BLTP1: variants seen among roughly 807,000 people sequenced by gnomAD.
BLTP1 encodes the protein fragile site-associated protein.
chr4:122,361,941 T>TA, the BLTP1 span: 1 of 1,458,798 alleles, frequency 6.9e-7, no homozygotes, highest in East Asian at 2.4e-5. Context: ...TTGAGTATAT[T>TA]ATAGAGGCTT....
chr4:122,224,417 C>T, the BLTP1 span: 5 of 1,407,472 alleles, frequency 3.6e-6, no homozygotes, highest in Admixed American at 4.6e-5. Context: ...TTCATCTCTG[C>T]AGGGGGTGTG....
chr4:122,234,887 C>G, the BLTP1 span: 1 of 1,613,686 alleles, frequency 6.2e-7, no homozygotes, highest in East Asian at 2.2e-5. Context: ...TAGATTTCTT[C>G]AAACTTGAAG....
At chr4:122,352,266 G>A in the BLTP1 span, among the ~76,000 whole-genome samples, 1 of 150,924 alleles carries the variant, frequency 6.6e-6, no homozygotes, top group Non-Finnish European at 1.5e-5. Flanking sequence ...AGTTTACAAA[G>A]TTATAATGAG....
the BLTP1 span, chr4:122,258,778 G>A: frequency 6.2e-7 from 1 of 1,613,942 alleles, no homozygotes; most frequent in African/African-American, 1.3e-5. Flanking sequence ...ACCTGTAACT[G>A]GAGCTGAGAT....
the BLTP1 span, among the ~76,000 whole-genome samples, chr4:122,324,869 A>ACAC: frequency 6.6e-6 from 1 of 150,770 alleles, no homozygotes; most frequent in South Asian, 2.1e-4. Context: ...TAAAAGGTGC[A>ACAC]TACTAGTAGC....
chr4:122,306,062 C>G, the BLTP1 span: 1 of 1,582,170 alleles, frequency 6.3e-7, no homozygotes, highest in Non-Finnish European at 8.5e-7. Flanking sequence ...TAAAGTCAAT[C>G]ACTACTATCC....
the BLTP1 span, among the ~76,000 whole-genome samples, chr4:122,176,892 T>G: frequency 1.2e-3 from 189 of 152,356 alleles, 1 homozygote; most frequent in African/African-American, 4.5e-3. Context: ...TTACTTGCTG[T>G]AGTTTAAATC....
At chr4:122,336,165 A>T in the BLTP1 span, 1 of 1,541,870 alleles carries the variant, frequency 6.5e-7, no homozygotes, top group Non-Finnish European at 8.7e-7. Context: ...TATAAAATCC[A>T]TTAAATGGAA....
At chr4:122,305,176 GTT>G in the BLTP1 span, 2 of 981,334 alleles carry the variant, frequency 2.0e-6, no homozygotes, top group Non-Finnish European at 2.4e-6. Flanking sequence ...TATTGTTATA[GTT>G]TAGTGCAGAT....
the BLTP1 span, chr4:122,344,253 A>T: frequency 9.1e-7 from 1 of 1,093,472 alleles, no homozygotes; most frequent in Non-Finnish European, 1.2e-6. Context: ...CTCTGCTTAA[A>T]TTTTTACCTC....
At chr4:122,296,193 CA>C in the BLTP1 span, among the ~76,000 whole-genome samples, 4 of 152,292 alleles carry the variant, frequency 2.6e-5, no homozygotes, top group Admixed American at 1.3e-4. Context: ...CATCTCAGCC[CA>C]AAAGCTTCTT....
chr4:122,262,918 A>G, the BLTP1 span: 1 of 1,614,064 alleles, frequency 6.2e-7, no homozygotes. Context: ...AGCCTGCACA[A>G]CCTCCTGGAA....
chr4:122,328,896 C>T, the BLTP1 span: 1 of 260,420 alleles, frequency 3.8e-6, no homozygotes, highest in Non-Finnish European at 6.0e-6. Context: ...ATTTAAACCG[C>T]CCTCAAGTGA....
chr4:122,306,139 G>T, the BLTP1 span: 9 of 1,258,346 alleles, frequency 7.2e-6, no homozygotes, highest in South Asian at 1.4e-4. Flanking sequence ...GTAAATGCTT[G>T]ACAGCTAAAT....
the BLTP1 span, chr4:122,152,489 T>TGCTGCTGCCGTCGCCGCC: frequency 1.0e-6 from 1 of 985,788 alleles, no homozygotes; most frequent in Non-Finnish European, 1.2e-6. Flanking sequence ...TCCGGCTCGG[T>TGCTGCTGCCGTCGCCGCC]GCTGCTGCCG....
At chr4:122,361,314 G>A in the BLTP1 span, among the ~76,000 whole-genome samples, 1 of 152,134 alleles carries the variant, frequency 6.6e-6, no homozygotes. Flanking sequence ...CATCGATGCA[G>A]AACTTAACTT....
chr4:122,316,600 T>G, the BLTP1 span: 1 of 1,218,766 alleles, frequency 8.2e-7, no homozygotes, highest in Non-Finnish European at 1.2e-6. Context: ...TTTAAATCAA[T>G]GGAGAATTCC....
At chr4:122,166,815 T>G in the BLTP1 span, among the ~76,000 whole-genome samples, 2 of 152,206 alleles carry the variant, frequency 1.3e-5, no homozygotes, top group African/African-American at 4.8e-5. Flanking sequence ...GATTCCTAAG[T>G]ATTTTATTCT....
At chr4:122,177,152 C>T in the BLTP1 span, among the ~76,000 whole-genome samples, 4 of 152,150 alleles carry the variant, frequency 2.6e-5, no homozygotes, top group African/African-American at 4.8e-5. Flanking sequence ...CCTGATCTTC[C>T]CACCCAAACC....
Sources: allele counts gnomAD v4.1 joint callset (sites outside exome capture counted in the v4.1 genomes callset), GRCh38; gene constraint gnomAD v4.1.1; transcripts MANE v1.5; gene names NCBI Gene and HGNC (gene_info 2026-07-23, HGNC 2026-07-21).